Variants in ZNF550 observed in about 807,000 individuals in gnomAD.
ZNF550 encodes the protein zinc finger protein 550.
In ZNF550, 42 loss-of-function variants were observed where a neutral mutation model predicts 40.2. The observed-to-expected ratio is 1.05, with a 90% confidence interval of 0.82 to 1.35. The LOEUF (loss-of-function observed/expected upper bound fraction) is 1.35. Ranked by LOEUF, ZNF550 falls within the 40% of genes most tolerant of loss-of-function variation. The pLI, the probability that ZNF550 is intolerant of heterozygous loss-of-function variation, is 0.00. For missense variants in ZNF550, 549 were observed against 525.2 expected (o/e 1.05, Z -0.44); for synonymous variants, 223 against 198.6 (o/e 1.12, Z -1.03).
At chr19:57,543,300 T>TA (rs2089977826) in intron 4 of ZNF550, 1 of 619,008 alleles carries the variant, frequency 1.6e-6, no homozygotes, top group Non-Finnish European at 2.0e-6. Flanking sequence ...TGCATGAAGT[T>TA]AAAGTGAACT....
At chr19:57,553,605 A>G (rs1209305369) in intron 2 of ZNF550, 1 of 152,092 alleles carries the variant, frequency 6.6e-6, no homozygotes, top group African/African-American at 2.4e-5. Flanking sequence ...TTTAATAGAG[A>G]CTGGGATTCA....
intron 4 of ZNF550, among the ~76,000 whole-genome samples, chr19:57,545,686 A>G (rs1165497602): frequency 1.3e-5 from 2 of 152,114 alleles, no homozygotes; most frequent in African/African-American, 4.8e-5. Context: ...GTTTGAGACA[A>G]ATCTGGGGAA....
chr19:57,557,505 G>T (rs1017754296), intron 1 of ZNF550: 6 of 152,082 alleles, frequency 3.9e-5, no homozygotes, highest in Admixed American at 6.5e-5. Context: ...CATGGAGATG[G>T]TAGAGATAGT....
At chr19:57,556,124 G>A in intron 2 of ZNF550, 107 bp downstream of exon 2, 1 of 1,434,608 alleles carries the variant, frequency 7.0e-7, no homozygotes, top group African/African-American at 1.4e-5. Flanking sequence ...GGAAGAGGTG[G>A]GAACAGAAAG....
chr19:57,553,279 A>G (rs569803526), intron 2 of ZNF550: 1 of 152,680 alleles, frequency 6.5e-6, no homozygotes, highest in Non-Finnish European at 1.5e-5. Flanking sequence ...TACAACTGCC[A>G]TGGAGGGTAG....
Position 57,559,759 on chromosome 19 carries a change from C to T in ZNF550, c.-77G>A, listed in dbSNP as rs1231325600. 16 of 1,290,490 alleles carry T rather than the reference C, an allele frequency of 1.2e-5. No individual in the cohort carries two copies. In the African/African-American group the frequency reaches 2.3e-4, roughly 18 times the overall value. 79.9% of individuals were successfully genotyped at this position (1,290,490 alleles called of 1,614,324 possible). A position where few individuals can be genotyped will look rare whatever the true frequency, so the allele number is the denominator to read the frequency against. On this transcript the variant is annotated 5_prime_UTR_variant, in exon 1 of 5. Transcript: ENST00000457177. Reference sequence around the variant, plus strand: ...CCCTACCCCGGGTCCTACAACGGTGCGGAGGTGAGCCCCAGTCGCCCTACC... The same window carrying T: ...CCCTACCCCGGGTCCTACAACGGTGTGGAGGTGAGCCCCAGTCGCCCTACC...
At chr19:57,547,890 T>C (rs1373633605) in exon 4 of ZNF550, 1 of 1,614,000 alleles carries the variant, frequency 6.2e-7, no homozygotes, top group Admixed American at 1.7e-5. Context: ...TCGAATCACT[T>C]GAGGTTGAAG....
upstream of ZNF550, among the ~76,000 whole-genome samples, chr19:57,561,382 A>G (rs1226816780): frequency 3.3e-5 from 5 of 152,222 alleles, no homozygotes; most frequent in Non-Finnish European, 7.3e-5. This position sits in a 1 kb window ranked among gnomAD's most constrained non-coding sequence, Gnocchi z 4.9. Flanking sequence ...AGCTAGCTCA[A>G]AAGAAGTTTC....
At chr19:57,559,367 T>C (rs2090149977) in intron 1 of ZNF550, among the ~76,000 whole-genome samples, 1 of 152,068 alleles carries the variant, frequency 6.6e-6, no homozygotes, top group East Asian at 1.9e-4. Context: ...AAGGACATGG[T>C]TGGAAGAGCC....
At chr19:57,548,649 G>A (rs1224566702) in intron 3 of ZNF550, among the ~76,000 whole-genome samples, 1 of 152,126 alleles carries the variant, frequency 6.6e-6, no homozygotes, top group Non-Finnish European at 1.5e-5. Context: ...TAGTACAACT[G>A]CCATGGAGAA....
intron 3 of ZNF550, among the ~76,000 whole-genome samples, chr19:57,550,263 G>T (rs1163736724): frequency 6.6e-6 from 1 of 152,136 alleles, no homozygotes; most frequent in Non-Finnish European, 1.5e-5. Flanking sequence ...ATATTTGGGG[G>T]TTTGACTTAA....
intron 1 of ZNF550, among the ~76,000 whole-genome samples, chr19:57,558,879 C>A (rs1323025361): frequency 2.6e-5 from 4 of 152,200 alleles, no homozygotes; most frequent in Admixed American, 1.3e-4. Context: ...ATACCATCGC[C>A]ACTGAACATT....
chr19:57,560,429 C>T (rs1047765535), upstream of ZNF550, among the ~76,000 whole-genome samples: 2 of 152,190 alleles, frequency 1.3e-5, no homozygotes, highest in African/African-American at 4.8e-5. Flanking sequence ...CGGAGTCCAG[C>T]TTCGTGACAC....
intron 4 of ZNF550, chr19:57,544,102 T>C (rs2089986821): frequency 1.0e-6 from 1 of 985,314 alleles, no homozygotes; most frequent in Non-Finnish European, 1.2e-6. Context: ...TTTTCCTATA[T>C]TAGACAGTAA....
intron 4 of ZNF550, among the ~76,000 whole-genome samples, chr19:57,545,715 A>G (rs1290184190): frequency 6.6e-6 from 1 of 152,142 alleles, no homozygotes; most frequent in Admixed American, 6.5e-5. Flanking sequence ...GACCTCATCT[A>G]TACAAAAAAA....
chr19:57,546,200 T>C (rs913102201), intron 4 of ZNF550, among the ~76,000 whole-genome samples: 5 of 152,158 alleles, frequency 3.3e-5, no homozygotes, highest in Non-Finnish European at 7.4e-5. Context: ...AAGAATCTCA[T>C]GACACAAGCC....
At chr19:57,547,285 C>A in exon 4 of ZNF550, 1 of 1,614,110 alleles carries the variant, frequency 6.2e-7, no homozygotes, top group Non-Finnish European at 8.5e-7. Flanking sequence ...GGCTTTCTCA[C>A]ATTCTTTGCA....
At chr19:57,555,888 G>C in intron 2 of ZNF550, 1 of 306,558 alleles carries the variant, frequency 3.3e-6, no homozygotes, top group Non-Finnish European at 6.3e-6. Flanking sequence ...TGTCTTCTGG[G>C]GGGCTGCCTG....
chr19:57,543,457 C>T (rs1051497659), intron 4 of ZNF550: 6 of 337,174 alleles, frequency 1.8e-5, no homozygotes, highest in African/African-American at 4.5e-5. Context: ...ACCGACTTGC[C>T]GAGTTAATTT....
Sources: gnomAD v4.1 joint callset for allele counts (sites outside exome capture counted in the v4.1 genomes callset) on GRCh38, gnomAD v4.1.1 for gene constraint, Gnocchi (gnomAD v3.1) non-coding constraint, MANE v1.5 for transcripts, NCBI Gene and HGNC (gene_info 2026-07-23, HGNC 2026-07-21) for gene names.